BACE1: variants seen among roughly 807,000 people sequenced by gnomAD.
The protein encoded by BACE1 is APP beta-secretase.
Under a neutral mutation model 54.0 loss-of-function variants are expected in BACE1, and 21 were observed. That is an observed-to-expected ratio of 0.39 (90% CI 0.28 to 0.56). BACE1 has a LOEUF of 0.56. Among genes scored for constraint, BACE1 ranks in the 20% least tolerant of loss-of-function variants. The pLI, the probability that BACE1 is intolerant of heterozygous loss-of-function variation, is 0.63. For synonymous variants in BACE1, 232 were observed against 260.9 expected (o/e 0.89, Z 1.07); for missense variants, 511 against 661.2 (o/e 0.77, Z 2.49).
At chr11:117,308,051 C>CG (rs1323386580) in intron 1 of BACE1, among the ~76,000 whole-genome samples, 4 of 28,802 alleles carry the variant, frequency 1.4e-4, no homozygotes, top group Admixed American at 1.3e-3. Context: ...AGATTTGGGG[C>CG]GGGGGGATGG....
chr11:117,290,789 C>T (rs1346431797), intron 7 of BACE1, 111 bp downstream of exon 7: 2 of 1,547,808 alleles, frequency 1.3e-6, no homozygotes, highest in Non-Finnish European at 1.8e-6. Flanking sequence ...CCCTTTACTG[C>T]TGGACACTAC....
intron 2 of BACE1, among the ~76,000 whole-genome samples, chr11:117,296,237 AC>A (rs2034595375): frequency 6.7e-6 from 1 of 149,712 alleles, no homozygotes; most frequent in Non-Finnish European, 1.5e-5. Context: ...GCCCACTTCA[AC>A]CCCCCTTTCA....
Position 117,315,598 on chromosome 11 carries a change from G to T in BACE1, c.198C>A (p.Asn66Lys), listed in dbSNP as rs1038127361. 6.3e-7 allele frequency: 1 copy of T among 1,589,836 alleles called. No homozygotes were observed. Among genetic ancestry groups the T allele is most frequent in the Non-Finnish European group, 8.5e-7 (1 of 1,169,668 alleles). ...AGCCCTGCCCCGACTTGCCCCTCAG[G>T]TTGTCCACCATCTCCACAAAGCTGC... ...RRGSFVEMVD[N>K]LRGKSGQGYY... The change falls in exon 1 of 9, where the codon AAC becomes AAA. Residue 66 changes from asparagine (N) to lysine (K), a missense_variant. Coordinates refer to ENST00000313005, the MANE Select transcript of BACE1 (RefSeq NM_012104.6). The surrounding 1 kb of genome is among the most constrained non-coding windows in gnomAD (Gnocchi z 5.5).
chr11:117,311,453 C>A (rs1207481974), intron 1 of BACE1, among the ~76,000 whole-genome samples: 2 of 152,108 alleles, frequency 1.3e-5, no homozygotes, highest in Non-Finnish European at 2.9e-5. Flanking sequence ...ATCTTTGATG[C>A]CCTCTTCCTT....
chr11:117,291,074 A>G lies in BACE1; in HGVS notation c.943-25T>C, dbSNP rs141788754. On this transcript the variant is annotated intron_variant, in intron 6 of 8. Coordinates refer to ENST00000313005, the MANE Select transcript of BACE1 (RefSeq NM_012104.6). ...TCTGTGTTGGCAAGAAGGGGATAAC[A>G]ATGAGGAAAAGCCTCTTTATCATCT... The G allele has an allele frequency of 8.3e-5, 133 of 1,612,008 alleles. No homozygotes were observed. In the East Asian group the frequency reaches 2.9e-3, roughly 35 times the overall value.
intron 1 of BACE1, chr11:117,299,541 AG>A (rs1369746143): frequency 3.4e-6 from 1 of 295,554 alleles, no homozygotes; most frequent in Non-Finnish European, 6.6e-6. Flanking sequence ...ACATCCCCAA[AG>A]ACTCCTCTGA....
At chr11:117,301,408 T>TA (rs1487011718) in intron 1 of BACE1, among the ~76,000 whole-genome samples, 2 of 152,044 alleles carry the variant, frequency 1.3e-5, no homozygotes, top group Non-Finnish European at 2.9e-5. Flanking sequence ...CTGGACAACA[T>TA]AGTGAGACCC....
At chr11:117,295,666 C>G in intron 2 of BACE1, 1 of 1,521,868 alleles carries the variant, frequency 6.6e-7, no homozygotes, top group Admixed American at 2.0e-5. Flanking sequence ...GCAGGGACAG[C>G]TAGTGGGCAT....
intron 1 of BACE1, among the ~76,000 whole-genome samples, chr11:117,306,009 C>T (rs1056323919): frequency 1.3e-5 from 2 of 152,046 alleles, no homozygotes; most frequent in Admixed American, 1.3e-4. Flanking sequence ...GCACTCCAGC[C>T]TGGGCGACAG....
chr11:117,294,959 G>C (rs951453570), intron 3 of BACE1, among the ~76,000 whole-genome samples, 172 bp downstream of exon 3: 1 of 151,984 alleles, frequency 6.6e-6, no homozygotes, highest in African/African-American at 2.4e-5. Context: ...CTGTCACTAT[G>C]GTTCTGCCCT....
intron 1 of BACE1, among the ~76,000 whole-genome samples, chr11:117,306,708 G>A (rs1289090833): frequency 1.3e-5 from 2 of 152,270 alleles, no homozygotes; most frequent in East Asian, 3.9e-4. Context: ...CTACTTGGCA[G>A]GCCGACGCTG....
chr11:117,309,117 T>C (rs1357689156), intron 1 of BACE1, among the ~76,000 whole-genome samples: 1 of 152,182 alleles, frequency 6.6e-6, no homozygotes, highest in Non-Finnish European at 1.5e-5. Context: ...GGTTAAACGA[T>C]GGATGAATGC....
intron 1 of BACE1, among the ~76,000 whole-genome samples, chr11:117,307,368 G>A (rs1316688923): frequency 6.6e-6 from 1 of 152,202 alleles, no homozygotes; most frequent in African/African-American, 2.4e-5. Flanking sequence ...CTGGAGTGCA[G>A]TGGCATGATG....
At chr11:117,292,990 A>C in intron 5 of BACE1, 64 bp downstream of exon 5, 1 of 1,570,600 alleles carries the variant, frequency 6.4e-7, no homozygotes, top group Admixed American at 1.8e-5. Flanking sequence ...TGATAACCAG[A>C]GTCTTCCTTC....
chr11:117,315,027 C>A lies in BACE1; in HGVS notation c.261+508G>T, dbSNP rs898022916. 6.6e-6 allele frequency among the ~76,000 whole-genome samples: 1 copy of A among 152,228 alleles called. No homozygotes were observed. Among genetic ancestry groups the A allele is most frequent in the South Asian group, 2.1e-4 (1 of 4,824 alleles). On this transcript the variant is annotated intron_variant, in intron 1 of 8. Coordinates refer to ENST00000313005, the MANE Select transcript of BACE1 (RefSeq NM_012104.6). This position sits in a 1 kb window ranked among gnomAD's most constrained non-coding sequence, Gnocchi z 5.5. ...GGGGGCCTCGACAACCTCACTTTGCCGTACCAGTGGCAGCCCAGATGGTGG... is the reference window on the plus strand; with the variant it reads ...GGGGGCCTCGACAACCTCACTTTGCAGTACCAGTGGCAGCCCAGATGGTGG...
Position 117,293,014 on chromosome 11 carries a change from T to A in BACE1, c.840+40A>T. On this transcript the variant is annotated intron_variant, in intron 5 of 8. Coordinates refer to ENST00000313005, the MANE Select transcript of BACE1 (RefSeq NM_012104.6). This position sits in a 1 kb window ranked among gnomAD's most constrained non-coding sequence, Gnocchi z 4.1. The stretch of plus-strand genomic sequence containing the variant: ...GAGTCTTCCTTCACATTGTACTGCC[T>A]ACCCCCTTATGTTCCCAGGCTCTCC... 6.2e-7 allele frequency: 1 copy of A among 1,608,624 alleles called. No homozygotes were observed. The highest frequency in any genetic ancestry group is 8.5e-7 in the Non-Finnish European group (1 of 1,176,878).
chr11:117,300,942 C>A (rs1044743808), intron 1 of BACE1, among the ~76,000 whole-genome samples: 4 of 152,190 alleles, frequency 2.6e-5, no homozygotes, highest in Non-Finnish European at 4.4e-5. Context: ...CCTTCACAAC[C>A]AAAGCGCTCA....
intron 1 of BACE1, among the ~76,000 whole-genome samples, chr11:117,304,702 G>A (rs2034792974): frequency 6.6e-6 from 1 of 152,166 alleles, no homozygotes; most frequent in South Asian, 2.1e-4. Context: ...CTGACGCCCA[G>A]ATAAGATTAG....
intron 1 of BACE1, among the ~76,000 whole-genome samples, chr11:117,308,460 G>A (rs528837): frequency 0.44 from 67,038 of 151,748 alleles, 15,116 homozygotes; most frequent in East Asian, 0.66. Flanking sequence ...CATCTCAAAG[G>A]CATGTCCCAG....
Sources: gnomAD v4.1 joint callset for allele counts (sites outside exome capture counted in the v4.1 genomes callset) on GRCh38, gnomAD v4.1.1 for gene constraint, Gnocchi (gnomAD v3.1) non-coding constraint, MANE v1.5 for transcripts, NCBI Gene and HGNC (gene_info 2026-07-23, HGNC 2026-07-21) for gene names.